EFHC1: variants seen among roughly 807,000 people sequenced by gnomAD.
EFHC1 encodes the protein EF-hand domain-containing protein 1.
In EFHC1, 53 loss-of-function variants were observed where a neutral mutation model predicts 69.9. The observed-to-expected ratio is 0.76, with a 90% CI of 0.61 to 0.95. EFHC1 has a LOEUF of 0.95. EFHC1 is among the 40% of genes least tolerant of loss of function. The pLI is 0.00. For synonymous variants in EFHC1, 256 were observed against 278.4 expected, an observed-to-expected ratio of 0.92 and a Z score of 0.80; for missense variants, 739 against 798.7, an observed-to-expected ratio of 0.93 and a Z score of 0.90.
At position 52,438,371 on chromosome 6, in the gene EFHC1, G is replaced by A. The variant is rs1764581812; in HGVS notation, c.353G>A (p.Arg118His). The A allele has an allele frequency of 2.5e-6, 4 of 1,613,694 alleles. No individual in the cohort carries two copies. Among genetic ancestry groups the A allele is most frequent in the South Asian group, 1.1e-5 (1 of 91,078 alleles). ...TCAACTGAGGAACAGTATAGGATCCGTCAGGTGAACATTTACTATTATCTA... is the reference window on the plus strand; with the variant it reads ...TCAACTGAGGAACAGTATAGGATCCATCAGGTGAACATTTACTATTATCTA... ...PMSTEEQYRIRQVNIYYYLED... is the reference protein window; with the variant it reads ...PMSTEEQYRIHQVNIYYYLED... Residue 118 changes from arginine (R) to histidine (H), a missense_variant, in exon 3 of 11, where the codon CGT (arginine) becomes CAT (histidine). By Grantham distance (29) the Arg-to-His change is conservative. Transcript: ENST00000371068.
At chr6:52,458,270 A>G (rs899041996) in intron 5 of EFHC1, among the ~76,000 whole-genome samples, 6 of 114,950 alleles carry the variant, frequency 5.2e-5, no homozygotes, top group Non-Finnish European at 9.6e-5. Context: ...AGCAGGGGGA[A>G]AAAAAAAGCA....
chr6:52,469,476 G>A lies in EFHC1; in HGVS notation c.1278+3G>A, dbSNP rs771184357. ...TGCTTCGTTATTTGGCTGTACTGGTGAGGCTAATTTTTATATACTAAAGAT... is the reference window on the plus strand; with the variant it reads ...TGCTTCGTTATTTGGCTGTACTGGTAAGGCTAATTTTTATATACTAAAGAT... On this transcript the variant is annotated splice_donor_region_variant and intron_variant, in intron 7 of 10. Coordinates refer to ENST00000371068, the MANE Select transcript of EFHC1 (RefSeq NM_018100.4). The A allele has an allele frequency of 5.0e-6, 8 of 1,613,692 alleles. No individual in the cohort carries two copies. The highest frequency in any genetic ancestry group is 6.8e-6 in the Non-Finnish European group (8 of 1,179,872).
At chr6:52,463,333 A>G (rs1765217434) in intron 5 of EFHC1, among the ~76,000 whole-genome samples, 1 of 152,002 alleles carries the variant, frequency 6.6e-6, no homozygotes, top group South Asian at 2.1e-4. Context: ...AAACGAGCAA[A>G]GTTTTAAAAA....
rs114461776 is a variant in EFHC1 at position 52,421,824 on chromosome 6, A to G, written c.63+1351A>G. Among the ~76,000 whole-genome samples the G allele has an allele frequency of 9.2e-3, 1,394 of 152,336 alleles. 23 individuals carry two copies. Among genetic ancestry groups the G allele is most frequent in the African/African-American group, 0.031 (1,300 of 41,566 alleles). On this transcript the variant is annotated intron_variant, in intron 1 of 10. Transcript: ENST00000371068. ...AATGTTGTAGGCACTTGCCTGCCCT[A>G]TACAGGATGAGCTTAAGCTTTTGGT...
chr6:52,456,382 C>T (rs1000126768), intron 5 of EFHC1, among the ~76,000 whole-genome samples: 1 of 152,114 alleles, frequency 6.6e-6, no homozygotes, highest in African/African-American at 2.4e-5. Context: ...AGCTAACAAA[C>T]ATTAGATTTA....
At chr6:52,489,039 A>C (rs1395780482) in intron 9 of EFHC1, 1 of 152,184 alleles carries the variant, frequency 6.6e-6, no homozygotes, top group Non-Finnish European at 1.5e-5. Context: ...CATGTTTCCA[A>C]ATTTTTCCTG....
intron 2 of EFHC1, among the ~76,000 whole-genome samples, chr6:52,432,758 C>T (rs1252529458): frequency 6.6e-6 from 1 of 151,836 alleles, no homozygotes; most frequent in Non-Finnish European, 1.5e-5. Flanking sequence ...AGAAGTTTTC[C>T]TTGATTATTC....
rs193094816 is a variant in EFHC1 at position 52,479,446 on chromosome 6, G to A, written c.1493-194G>A. Among the ~76,000 whole-genome samples, 831 of 152,262 alleles carry A rather than the reference G, an allele frequency of 5.5e-3. 4 individuals carry two copies. Among genetic ancestry groups the A allele is most frequent in the Middle Eastern group, 0.024 (7 of 294 alleles). ...ACTCTTAAGTTGATTGCATTTGTTG[G>A]CTACAGATGTCGACAATAAGTTTTG... On this transcript the variant is annotated intron_variant, in intron 8 of 10. Coordinates refer to ENST00000371068, the MANE Select transcript of EFHC1 (RefSeq NM_018100.4).
At chr6:52,447,434 T>C (rs1764811646) in intron 3 of EFHC1, among the ~76,000 whole-genome samples, 1 of 152,250 alleles carries the variant, frequency 6.6e-6, no homozygotes, top group South Asian at 2.1e-4. Context: ...AGGACTTTTC[T>C]ACACTGTTTA....
intron 1 of EFHC1, among the ~76,000 whole-genome samples, chr6:52,422,771 T>TA (rs1254146870): frequency 6.6e-6 from 1 of 152,176 alleles, no homozygotes; most frequent in Non-Finnish European, 1.5e-5. Context: ...GTGTTCATTG[T>TA]AAAAAATCAA....
At position 52,453,365 on chromosome 6, in the gene EFHC1, C is replaced by T. The variant is rs1204824152; in HGVS notation, c.723+528C>T. On this transcript the variant is annotated intron_variant, in intron 4 of 10. Coordinates refer to ENST00000371068, the MANE Select transcript of EFHC1 (RefSeq NM_018100.4). ...CAACTCTGTTCCAACCTTCCTAATC[C>T]TCTCCCTTGTGAGCTGATGTGTATA... is the stretch of plus-strand genomic sequence containing the variant. The T allele has an allele frequency of 5.4e-6, 7 of 1,287,044 alleles. No individual in the cohort carries two copies. The African/African-American group carries it at 6.1e-5, about 11-fold the overall frequency. The allele number at this position is 1,287,044 out of a possible 1,614,324, so 79.7% of individuals were successfully genotyped here.
chr6:52,485,764 C>G (rs924035732), intron 9 of EFHC1: 1 of 152,204 alleles, frequency 6.6e-6, no homozygotes, highest in Non-Finnish European at 1.5e-5. Context: ...AGCAGCCTGA[C>G]ATTTTCACTA....
intron 9 of EFHC1, chr6:52,487,699 T>G (rs1765815176): frequency 6.6e-6 from 1 of 152,222 alleles, no homozygotes; most frequent in African/African-American, 2.4e-5. Flanking sequence ...GACATCCCTC[T>G]TACCTCTGGA....
At chr6:52,449,750 T>C (rs1230672280) in intron 3 of EFHC1, among the ~76,000 whole-genome samples, 1 of 152,126 alleles carries the variant, frequency 6.6e-6, no homozygotes. Flanking sequence ...ATCTTTTTAA[T>C]AAAAACCAAC....
chr6:52,423,721 G>A (rs1581809196), intron 1 of EFHC1: 1 of 794,816 alleles, frequency 1.3e-6, no homozygotes, highest in Non-Finnish European at 1.9e-6. Flanking sequence ...GCCCAGGCTG[G>A]TCTCGAACTC....
At chr6:52,456,369 C>T (rs1200813431) in intron 5 of EFHC1, among the ~76,000 whole-genome samples, 2 of 151,956 alleles carry the variant, frequency 1.3e-5, no homozygotes, top group African/African-American at 2.4e-5. Flanking sequence ...CCATGCAGTT[C>T]GGAGCTAACA....
At chr6:52,472,534 G>A (rs960048819) in intron 7 of EFHC1, among the ~76,000 whole-genome samples, 1 of 152,020 alleles carries the variant, frequency 6.6e-6, no homozygotes, top group Non-Finnish European at 1.5e-5. Flanking sequence ...ATTTACTATA[G>A]CATCAAAAAT....
At chr6:52,436,099 A>G (rs1263789961) in intron 2 of EFHC1, among the ~76,000 whole-genome samples, 4 of 152,204 alleles carry the variant, frequency 2.6e-5, no homozygotes, top group African/African-American at 9.7e-5. Context: ...ATTTATAAAT[A>G]TATGGCTCAG....
chr6:52,452,029 A>G (rs530879576), intron 3 of EFHC1, among the ~76,000 whole-genome samples: 1 of 152,292 alleles, frequency 6.6e-6, no homozygotes, highest in South Asian at 2.1e-4. Context: ...GATATATGAA[A>G]GTAAGCAATC....
Sources: allele counts gnomAD v4.1 joint callset (sites outside exome capture counted in the v4.1 genomes callset), GRCh38; gene constraint gnomAD v4.1.1; transcripts MANE v1.5; gene names NCBI Gene and HGNC (gene_info 2026-07-23, HGNC 2026-07-21).